TECTA: variants seen among roughly 807,000 people sequenced by gnomAD.
The protein encoded by TECTA is alpha-tectorin.
TECTA carries 128 observed loss-of-function variants against 216.8 expected under a neutral mutation model. That is an observed-to-expected ratio of 0.59 (90% CI 0.51 to 0.68). The LOEUF is 0.68. TECTA is among the 30% of genes least tolerant of loss of function. The pLI, the probability that TECTA is intolerant of heterozygous loss-of-function variation, is 0.00. For synonymous variants in TECTA, 1,089 were observed against 1,117.1 expected (o/e 0.97, Z 0.50); for missense variants, 2,551 against 2,786.2 (o/e 0.92, Z 1.90).
chr11:121,162,625 G>T (rs990860298), intron 16 of TECTA, among the ~76,000 whole-genome samples: 1 of 152,196 alleles, frequency 6.6e-6, no homozygotes. Flanking sequence ...GGGCTCTCTG[G>T]GTTGGAAGAG....
intron 12 of TECTA, among the ~76,000 whole-genome samples, chr11:121,147,916 A>C (rs2135109121): frequency 6.6e-6 from 1 of 152,240 alleles, no homozygotes; most frequent in Middle Eastern, 3.4e-3. Context: ...ATGGGTCTTA[A>C]TTTTTGTCAC....
Position 121,134,980 on chromosome 11 carries a change from A to G in TECTA, c.2942-2441A>G, listed in dbSNP as rs116741928. 1.6e-4 allele frequency among the ~76,000 whole-genome samples: 24 copies of G among 152,362 alleles called. No individual in the cohort carries two copies. In the East Asian group the frequency reaches 3.3e-3, roughly 21 times the overall value. On this transcript the variant is annotated intron_variant, in intron 10 of 23. Transcript: ENST00000392793. The stretch of plus-strand genomic sequence containing the variant: ...TGTCTTTTTTAGGGAAGATGTGGGC[A>G]GAAGCAGTCACATGGAACATGGCTT...
chr11:121,145,629 C>T lies in TECTA; in HGVS notation c.3618C>T (p.His1206=), dbSNP rs778758361. 8.1e-6 allele frequency: 13 copies of T among 1,614,172 alleles called. No individual in the cohort carries two copies. Among genetic ancestry groups the T allele is most frequent in the Middle Eastern group, 1.7e-4 (1 of 6,060 alleles). Residue 1206 remains histidine, a synonymous_variant, in exon 12 of 24, where the codon CAC becomes CAT. Transcript: ENST00000392793. Reference sequence around the variant, plus strand: ...TAAATATCTTTTCCTTTGGCTTCCACGTGGTGGTGGAAACTGATTTTGGCC... The same window carrying T: ...TAAATATCTTTTCCTTTGGCTTCCATGTGGTGGTGGAAACTGATTTTGGCC... ...GKINIFSFGF[H]VVVETDFGLK...
intron 12 of TECTA, among the ~76,000 whole-genome samples, chr11:121,147,457 C>G (rs750087877): frequency 6.6e-6 from 1 of 152,140 alleles, no homozygotes; most frequent in Non-Finnish European, 1.5e-5. Context: ...GGCTCAGTCC[C>G]TGAGTGGGTG....
intron 10 of TECTA, among the ~76,000 whole-genome samples, chr11:121,132,358 T>C (rs1591446575): frequency 6.6e-6 from 1 of 152,350 alleles, no homozygotes; most frequent in East Asian, 1.9e-4. Context: ...TGACATTTGC[T>C]TCATCATTCG....
At chr11:121,189,430 G>A (rs1947319733) in intron 22 of TECTA, among the ~76,000 whole-genome samples, 1 of 151,730 alleles carries the variant, frequency 6.6e-6, no homozygotes, top group South Asian at 2.1e-4. Context: ...CTGGAGAGCG[G>A]TGGCGCAATC....
At chr11:121,161,912 G>A (rs1055119550) in intron 15 of TECTA, among the ~76,000 whole-genome samples, 163 bp from the exon 16 acceptor site, 6 of 152,110 alleles carry the variant, frequency 3.9e-5, no homozygotes, top group Non-Finnish European at 5.9e-5. Flanking sequence ...TTCTTAGATG[G>A]ATAGAATAGA....
At chr11:121,162,530 T>G (rs1947011780) in intron 16 of TECTA, among the ~76,000 whole-genome samples, 160 bp downstream of exon 16, 1 of 152,216 alleles carries the variant, frequency 6.6e-6, no homozygotes, top group Non-Finnish European at 1.5e-5. Context: ...CAGCCGAGAT[T>G]CAGTGACGGG....
At chr11:121,144,247 A>G (rs1298055628) in intron 11 of TECTA, among the ~76,000 whole-genome samples, 1 of 152,178 alleles carries the variant, frequency 6.6e-6, no homozygotes, top group Admixed American at 6.5e-5. Flanking sequence ...ACTTTACTCA[A>G]GCCCTGGAGA....
intron 10 of TECTA, among the ~76,000 whole-genome samples, chr11:121,132,684 C>T (rs1946686957): frequency 6.6e-6 from 1 of 152,164 alleles, no homozygotes; most frequent in Non-Finnish European, 1.5e-5. Flanking sequence ...ACTGAACCTA[C>T]AGTTTCAGTC....
intron 20 of TECTA, among the ~76,000 whole-genome samples, chr11:121,174,632 G>A (rs1478178790): frequency 6.6e-6 from 1 of 152,166 alleles, no homozygotes; most frequent in Non-Finnish European, 1.5e-5. Context: ...TGTTCTTCAA[G>A]GATATTGGTC....
intron 13 of TECTA, among the ~76,000 whole-genome samples, chr11:121,154,356 G>A (rs780648333): frequency 6.6e-5 from 10 of 152,186 alleles, no homozygotes; most frequent in Non-Finnish European, 1.0e-4. Flanking sequence ...AGGAAGTAAG[G>A]TAAAATAGTG....
chr11:121,137,896 C>T lies in TECTA; in HGVS notation c.3417C>T (p.Pro1139=), dbSNP rs1368704332. 6.2e-7 allele frequency: 1 copy of T among 1,602,140 alleles called. No individual in the cohort carries two copies. The highest frequency in any genetic ancestry group is 1.3e-5 in the African/African-American group (1 of 74,728). The change falls in exon 11 of 24, where the codon CCC becomes CCT. Residue 1139 remains proline, a synonymous_variant. Transcript: ENST00000392793. ...GCAGGCCAAGCTCAGACTCTTTCCC[C>T]AAGTTTGTTGTCACAGCCAAGAATG... is the stretch of plus-strand genomic sequence containing the variant. ...TGSRPSSDSF[P]KFVVTAKNED...
At chr11:121,173,733 A>T (rs1354321065) in intron 20 of TECTA, among the ~76,000 whole-genome samples, 1 of 151,902 alleles carries the variant, frequency 6.6e-6, no homozygotes, top group Non-Finnish European at 1.5e-5. Flanking sequence ...GAAGAAAGTC[A>T]TTGGTAGCTT....
intron 3 of TECTA, among the ~76,000 whole-genome samples, chr11:121,107,777 G>C (rs1946404450): frequency 6.6e-6 from 1 of 152,188 alleles, no homozygotes. Flanking sequence ...CTTGGCTTGT[G>C]ATTTCCAGTA....
At position 121,147,212 on chromosome 11, in the gene TECTA, C is replaced by T. The variant is rs569495225; in HGVS notation, c.4105+1096C>T. Among the ~76,000 whole-genome samples the T allele has an allele frequency of 2.6e-5, 4 of 152,300 alleles. No homozygotes were observed. The East Asian group carries it at 7.7e-4, about 29-fold the overall frequency. On this transcript the variant is annotated intron_variant, in intron 12 of 23. Transcript: ENST00000392793. ...TAGAAGGTCTGTAGCTCTTTTAAAA[C>T]TACAAATTGATCCTGAATGCATAGA...
intron 16 of TECTA, among the ~76,000 whole-genome samples, chr11:121,162,603 C>T (rs1021303728): frequency 2.0e-5 from 3 of 152,258 alleles, no homozygotes; most frequent in Admixed American, 6.5e-5. Context: ...GGAAAACAAA[C>T]GTGGGAAGAT....
Position 121,187,860 on chromosome 11 carries a change from G to A in TECTA, c.6028G>A (p.Gly2010Ser), listed in dbSNP as rs1947302640. ...TCAGAACCTCAAAGATAACACCATT[G>A]GCATCGAGGAGAATGCAGTCTCCCT... The part of the protein sequence containing the change: ...GCQNLKDNTI[G>S]IEENAVSLTC... The change falls in exon 21 of 24, where the codon GGC becomes AGC. Residue 2010 changes from glycine to serine, a missense_variant. By Grantham distance (56) the Gly-to-Ser change is moderately conservative. This residue lies in a region of TECTA where 58 missense variants were observed against 105.9 expected (regional missense o/e 0.55). Transcript: ENST00000392793. 6.2e-7 allele frequency: 1 copy of A among 1,614,188 alleles called. No homozygotes were observed. The highest frequency in any genetic ancestry group is 1.7e-5 in the Admixed American group (1 of 60,016).
At chr11:121,132,888 A>AT (rs1179090372) in intron 10 of TECTA, among the ~76,000 whole-genome samples, 179 of 151,368 alleles carry the variant, frequency 1.2e-3, no homozygotes, top group South Asian at 4.0e-3. Flanking sequence ...CACCTGGCTA[A>AT]TTTTTTTTGT....
Sources: allele counts gnomAD v4.1 joint callset (sites outside exome capture counted in the v4.1 genomes callset), GRCh38; gene constraint gnomAD v4.1.1; regional missense constraint gnomAD v4.1.1; transcripts MANE v1.5; gene names NCBI Gene and HGNC (gene_info 2026-07-23, HGNC 2026-07-21).